SLC9A9: variants seen among roughly 807,000 people sequenced by gnomAD.
SLC9A9 encodes the protein sodium/hydrogen exchanger 9.
SLC9A9 carries 62 observed loss-of-function variants against 77.8 expected under a neutral mutation model. The observed-to-expected ratio is 0.80, with a 90% CI of 0.65 to 0.98. The LOEUF (loss-of-function observed/expected upper bound fraction) is 0.98, where lower values mean the gene tolerates loss of function less well. SLC9A9 is among the 50% of genes least tolerant of loss of function. The pLI is 0.00. For synonymous variants in SLC9A9, 320 were observed against 283.5 expected (o/e 1.13, Z -1.29); for missense variants, 775 against 774.9 (o/e 1.00, Z 0.00).
chr3:143,492,291 C>CA (rs1171323568), intron 11 of SLC9A9, among the ~76,000 whole-genome samples: 1,676 of 59,710 alleles, frequency 0.028, 34 homozygotes, highest in African/African-American at 0.067. Flanking sequence ...GACTCCGTCT[C>CA]AAAAAAAAAA....
intron 11 of SLC9A9, among the ~76,000 whole-genome samples, chr3:143,491,004 T>G (rs1032212793): frequency 6.6e-6 from 1 of 152,084 alleles, no homozygotes; most frequent in African/African-American, 2.4e-5. Flanking sequence ...CATTTCAATG[T>G]GAAAAGTGTA....
chr3:143,380,498 C>A (rs972408423), intron 13 of SLC9A9, among the ~76,000 whole-genome samples: 1 of 152,116 alleles, frequency 6.6e-6, no homozygotes, highest in Non-Finnish European at 1.5e-5. Flanking sequence ...ATTATTTGAC[C>A]TACACAAGAT....
At chr3:143,342,469 T>C (rs1037992213) in intron 14 of SLC9A9, among the ~76,000 whole-genome samples, 2 of 152,198 alleles carry the variant, frequency 1.3e-5, no homozygotes, top group African/African-American at 4.8e-5. Context: ...AGCTAGATGA[T>C]TCCTCATGAG....
chr3:143,344,811 T>A (rs1180289984), intron 14 of SLC9A9, among the ~76,000 whole-genome samples: 3 of 152,166 alleles, frequency 2.0e-5, no homozygotes, highest in Non-Finnish European at 2.9e-5. Context: ...TATTTTACAC[T>A]TACATCATTT....
At chr3:143,341,448 C>T (rs1031177027) in intron 14 of SLC9A9, among the ~76,000 whole-genome samples, 1 of 152,022 alleles carries the variant, frequency 6.6e-6, no homozygotes, top group East Asian at 1.9e-4. Flanking sequence ...TAAATTTAGA[C>T]CAAGGGATGA....
intron 4 of SLC9A9, among the ~76,000 whole-genome samples, chr3:143,788,355 A>C (rs571778833): frequency 3.4e-4 from 52 of 152,282 alleles, no homozygotes; most frequent in African/African-American, 1.2e-3. Flanking sequence ...AATATTTATA[A>C]ATTTGACAGC....
chr3:143,354,952 GAAGAGAAA>G lies in SLC9A9; in HGVS notation c.1604+8524_1604+8531del, dbSNP rs1041233577. ...AAAGGCTTGTATTGCTTTCATTGTG[GAAGAGAAA>G]AATTGCTGCACTTCTCTATCAAGTC... On this transcript the variant is annotated intron_variant, in intron 14 of 15. Coordinates refer to ENST00000316549, the MANE Select transcript of SLC9A9 (RefSeq NM_173653.4). Among the ~76,000 whole-genome samples, 147 of 152,294 alleles carry G rather than the reference GAAGAGAAA, an allele frequency of 9.7e-4. 1 individual carries two copies. The highest frequency in any genetic ancestry group is 1.8e-4 in the Non-Finnish European group (12 of 68,030).
At chr3:143,634,127 A>C (rs1327303372) in intron 6 of SLC9A9, among the ~76,000 whole-genome samples, 1 of 148,772 alleles carries the variant, frequency 6.7e-6, no homozygotes, top group Non-Finnish European at 1.5e-5. Context: ...TTTTCTGCCT[A>C]TGTGCTCCCA....
At chr3:143,655,679 T>TG (rs2038876719) in intron 5 of SLC9A9, 1 of 695,598 alleles carries the variant, frequency 1.4e-6, no homozygotes, top group Admixed American at 2.0e-4. Flanking sequence ...AACATGCACA[T>TG]GTACACACAC....
At position 143,498,920 on chromosome 3, in the gene SLC9A9, G is replaced by T. The variant is rs2108595106; in HGVS notation, c.1090-3472C>A. On this transcript the variant is annotated intron_variant, in intron 9 of 15. Coordinates refer to ENST00000316549, the MANE Select transcript of SLC9A9 (RefSeq NM_173653.4). ...AAAAATTATATTAATGTATTACAAG[G>T]TACTTATTCATACTACTATTAATAG... Among the ~76,000 whole-genome samples, 2 of 152,180 alleles carry T rather than the reference G, an allele frequency of 1.3e-5. 1 individual carries two copies. The highest frequency in any genetic ancestry group is 4.2e-4 in the South Asian group (2 of 4,810).
intron 12 of SLC9A9, among the ~76,000 whole-genome samples, chr3:143,404,322 T>C (rs951307013): frequency 1.3e-5 from 2 of 151,890 alleles, no homozygotes; most frequent in African/African-American, 2.4e-5. Context: ...TACAGGTGCC[T>C]GCCACCACAC....
intron 5 of SLC9A9, among the ~76,000 whole-genome samples, chr3:143,669,402 G>A (rs2039124292): frequency 6.6e-6 from 1 of 152,180 alleles, no homozygotes; most frequent in African/African-American, 2.4e-5. Flanking sequence ...AGAGAGGTCT[G>A]TCAACCACAG....
intron 14 of SLC9A9, among the ~76,000 whole-genome samples, chr3:143,273,198 C>T (rs966252524): frequency 1.2e-4 from 19 of 152,174 alleles, no homozygotes; most frequent in Admixed American, 3.9e-4. Context: ...AAAACCCCAA[C>T]GATCCAGCTC....
chr3:143,600,041 T>C (rs982370855), intron 6 of SLC9A9, among the ~76,000 whole-genome samples: 3 of 152,220 alleles, frequency 2.0e-5, no homozygotes, highest in Middle Eastern at 3.4e-3. Context: ...ATTTTTTTTA[T>C]AATTATACTT....
At chr3:143,418,359 G>C (rs1336566765) in intron 12 of SLC9A9, among the ~76,000 whole-genome samples, 2 of 152,074 alleles carry the variant, frequency 1.3e-5, no homozygotes, top group African/African-American at 4.8e-5. Flanking sequence ...GTGGTAAACA[G>C]TGTTGGCTCT....
intron 5 of SLC9A9, among the ~76,000 whole-genome samples, chr3:143,690,904 G>C (rs1344088927): frequency 6.6e-6 from 1 of 152,114 alleles, no homozygotes; most frequent in Non-Finnish European, 1.5e-5. Flanking sequence ...CAAAAGGTAG[G>C]ATTAGATTAG....
chr3:143,734,995 C>T (rs151236755), intron 4 of SLC9A9, among the ~76,000 whole-genome samples: 20 of 152,234 alleles, frequency 1.3e-4, no homozygotes, highest in African/African-American at 4.3e-4. Context: ...TTCAATCTGG[C>T]CACAGCCCAG....
chr3:143,403,459 T>C (rs528859369), intron 12 of SLC9A9, among the ~76,000 whole-genome samples: 35 of 152,268 alleles, frequency 2.3e-4, no homozygotes, highest in Non-Finnish European at 4.1e-4. Flanking sequence ...CTTTTTTTTT[T>C]CCACGTGGAT....
At chr3:143,313,771 C>G (rs575066613) in intron 14 of SLC9A9, among the ~76,000 whole-genome samples, 22 of 152,360 alleles carry the variant, frequency 1.4e-4, no homozygotes, top group African/African-American at 5.0e-4. Flanking sequence ...ATCTTCCTCT[C>G]TGCCTAGATG....
Sources: gnomAD v4.1 joint callset for allele counts (sites outside exome capture counted in the v4.1 genomes callset) on GRCh38, gnomAD v4.1.1 for gene constraint, MANE v1.5 for transcripts, NCBI Gene and HGNC (gene_info 2026-07-23, HGNC 2026-07-21) for gene names.